Variants in CACNA2D1 observed in about 807,000 individuals in gnomAD.
CACNA2D1 encodes the protein calcium voltage-gated channel auxiliary subunit alpha2delta 1.
A neutral mutation model predicts 171.5 loss-of-function variants in CACNA2D1; 53 were observed. The observed-to-expected ratio is 0.31, with a 90% CI of 0.25 to 0.39. The LOEUF is 0.39. Among genes scored for constraint, CACNA2D1 ranks in the 10% least tolerant of loss-of-function variants. The probability of loss-of-function intolerance (pLI) is 1.00; values close to 1 mark genes in which losing one functional copy is unlikely to be tolerated. For synonymous variants in CACNA2D1, 442 were observed against 443.1 expected (o/e 1.00, Z 0.03); for missense variants, 903 against 1,299.8 (o/e 0.69, Z 4.69).
At chr7:82,104,570 T>A (rs1339603901) in intron 6 of CACNA2D1, among the ~76,000 whole-genome samples, 1 of 152,054 alleles carries the variant, frequency 6.6e-6, no homozygotes, top group Non-Finnish European at 1.5e-5. Flanking sequence ...AGTTTAAAAA[T>A]TTTATTTCTT....
intron 3 of CACNA2D1, among the ~76,000 whole-genome samples, chr7:82,303,872 A>G (rs1320010234): frequency 2.0e-5 from 3 of 152,164 alleles, no homozygotes; most frequent in Non-Finnish European, 2.9e-5. Context: ...AAATGGGACT[A>G]TATTAAACAA....
intron 1 of CACNA2D1, among the ~76,000 whole-genome samples, chr7:82,425,903 TG>T (rs1829130719): frequency 6.6e-6 from 1 of 150,912 alleles, no homozygotes; most frequent in Admixed American, 6.6e-5. Context: ...CTGAGGCAGG[TG>T]GATCACCTGA....
intron 3 of CACNA2D1, among the ~76,000 whole-genome samples, chr7:82,292,624 AG>A (rs1563321695): frequency 6.6e-6 from 1 of 152,164 alleles, no homozygotes; most frequent in Non-Finnish European, 1.5e-5. Context: ...GTTATTAAAA[AG>A]TCTACTGCCT....
intron 3 of CACNA2D1, among the ~76,000 whole-genome samples, chr7:82,318,038 C>T (rs1181848564): frequency 2.0e-5 from 3 of 151,788 alleles, no homozygotes; most frequent in Non-Finnish European, 4.4e-5. Flanking sequence ...TAACTATATA[C>T]TTACCCTCCA....
At chr7:82,429,107 T>A (rs1241555735) in intron 1 of CACNA2D1, among the ~76,000 whole-genome samples, 1 of 152,234 alleles carries the variant, frequency 6.6e-6, no homozygotes, top group Non-Finnish European at 1.5e-5. Context: ...TACAATCTTT[T>A]CCATGGATGA....
intron 3 of CACNA2D1, among the ~76,000 whole-genome samples, chr7:82,257,280 G>C (rs887081601): frequency 3.3e-5 from 5 of 152,144 alleles, no homozygotes; most frequent in Non-Finnish European, 7.3e-5. Flanking sequence ...AAAGGGACTG[G>C]CACAGAATAC....
chr7:82,432,804 A>G (rs1829807075), intron 1 of CACNA2D1, among the ~76,000 whole-genome samples: 1 of 152,226 alleles, frequency 6.6e-6, no homozygotes, highest in Non-Finnish European at 1.5e-5. Context: ...TCAATTGCCA[A>G]AGGAAAGAAC....
chr7:82,286,097 C>T lies in CACNA2D1; in HGVS notation c.294+49038G>A, dbSNP rs928391676. 5.3e-5 allele frequency among the ~76,000 whole-genome samples: 8 copies of T among 152,108 alleles called. 1 individual carries two copies. The South Asian group carries it at 1.7e-3, about 32-fold the overall frequency. Reference sequence around the variant, plus strand: ...TACACCACTGTTTCGTACTTTTTCTCCTTTTTTTCCTTCTCTCCCATATCT... The same window carrying T: ...TACACCACTGTTTCGTACTTTTTCTTCTTTTTTTCCTTCTCTCCCATATCT... On this transcript the variant is annotated intron_variant, in intron 3 of 38. Transcript: ENST00000356860.
chr7:82,063,902 AG>A (rs1280991842), intron 9 of CACNA2D1, among the ~76,000 whole-genome samples: 20 of 151,114 alleles, frequency 1.3e-4, no homozygotes, highest in Non-Finnish European at 2.8e-4. Context: ...CTCTTCACCC[AG>A]GCTGGAATAC....
chr7:82,055,930 G>GTATATATATATATATATATATA (rs58786082), intron 10 of CACNA2D1, among the ~76,000 whole-genome samples: 636 of 111,320 alleles, frequency 5.7e-3, no homozygotes, highest in Non-Finnish European at 8.1e-3. Flanking sequence ...GTGTGTGTGT[G>GTATATATATATATATATATATA]TATATATATA....
At chr7:82,083,809 T>C (rs150561187) in intron 7 of CACNA2D1, among the ~76,000 whole-genome samples, 1 of 152,288 alleles carries the variant, frequency 6.6e-6, no homozygotes, top group East Asian at 1.9e-4. Context: ...ATTGCTATAA[T>C]ATTACAATCC....
chr7:82,241,110 G>A (rs1488350561), intron 3 of CACNA2D1, among the ~76,000 whole-genome samples: 3 of 152,194 alleles, frequency 2.0e-5, no homozygotes, highest in South Asian at 2.1e-4. Flanking sequence ...AAGTGGCATC[G>A]AATTCTCAGT....
chr7:82,237,238 C>T (rs1447961850), intron 3 of CACNA2D1, among the ~76,000 whole-genome samples: 1 of 148,602 alleles, frequency 6.7e-6, no homozygotes, highest in Non-Finnish European at 1.5e-5. Flanking sequence ...TTTCAAAATA[C>T]TAAACTAATG....
intron 3 of CACNA2D1, among the ~76,000 whole-genome samples, chr7:82,177,068 ATTTT>A (rs1181991934): frequency 7.2e-5 from 4 of 55,226 alleles, no homozygotes; most frequent in Non-Finnish European, 9.1e-5. Context: ...ACAGGTCTCT[ATTTT>A]TTTTTTTTTT....
chr7:82,392,869 A>G (rs1242980762), intron 1 of CACNA2D1, among the ~76,000 whole-genome samples: 1 of 151,714 alleles, frequency 6.6e-6, no homozygotes, highest in East Asian at 2.0e-4. Context: ...GCATTGGGAA[A>G]AAAACAGACA....
At chr7:82,269,996 C>A (rs964505268) in intron 3 of CACNA2D1, among the ~76,000 whole-genome samples, 1 of 152,102 alleles carries the variant, frequency 6.6e-6, no homozygotes, top group South Asian at 2.1e-4. Context: ...ATCTAAGATA[C>A]AAAGAGAATA....
intron 3 of CACNA2D1, among the ~76,000 whole-genome samples, chr7:82,184,115 A>G (rs1797424559): frequency 6.7e-6 from 1 of 149,818 alleles, no homozygotes; most frequent in South Asian, 2.1e-4. Flanking sequence ...GTGATCTTAG[A>G]CGGTAGGCAA....
chr7:81,983,246 AG>A, intron 23 of CACNA2D1, 67 bp downstream of exon 23: 1 of 1,301,516 alleles, frequency 7.7e-7, no homozygotes, highest in Admixed American at 1.7e-5. Context: ...TCCAATAGGA[AG>A]GAAAATATCA....
intron 7 of CACNA2D1, among the ~76,000 whole-genome samples, chr7:82,080,937 T>C (rs1181138499): frequency 2.0e-5 from 3 of 152,244 alleles, no homozygotes; most frequent in East Asian, 1.9e-4. Context: ...TTTCCTATTT[T>C]CAAAGTACTT....
Sources: allele counts gnomAD v4.1 joint callset (sites outside exome capture counted in the v4.1 genomes callset), GRCh38; gene constraint gnomAD v4.1.1; transcripts MANE v1.5; gene names NCBI Gene and HGNC (gene_info 2026-07-23, HGNC 2026-07-21).